Variants in LRRC4C observed in about 807,000 individuals in gnomAD.
The protein encoded by LRRC4C is leucine-rich repeat-containing protein 4C.
In LRRC4C, 5 loss-of-function variants were observed where a neutral mutation model predicts 33.6. The observed-to-expected ratio is 0.15, with a 90% CI of 0.08 to 0.31. LRRC4C has a LOEUF of 0.31. LRRC4C is among the 10% of genes least tolerant of loss of function. The probability of loss-of-function intolerance (pLI) is 1.00; values close to 1 mark genes in which losing one functional copy is unlikely to be tolerated. For missense variants in LRRC4C, 560 were observed against 796.7 expected, an observed-to-expected ratio of 0.70 and a Z score of 3.58; for synonymous variants, 329 against 302.0, an observed-to-expected ratio of 1.09 and a Z score of -0.93.
At chr11:40,721,043 G>A (rs1458210087) in intron 2 of LRRC4C, among the ~76,000 whole-genome samples, 2 of 152,146 alleles carry the variant, frequency 1.3e-5, no homozygotes, top group Non-Finnish European at 2.9e-5. Flanking sequence ...TATTAGTAAA[G>A]AAGACACAGA....
At chr11:40,619,731 C>A (rs1490002233) in intron 3 of LRRC4C, among the ~76,000 whole-genome samples, 1 of 151,530 alleles carries the variant, frequency 6.6e-6, no homozygotes, top group Non-Finnish European at 1.5e-5. Context: ...TTTCTCCCTC[C>A]AGGCTGCTAA....
chr11:41,210,556 A>G (rs193292422), intron 1 of LRRC4C, among the ~76,000 whole-genome samples: 4 of 152,286 alleles, frequency 2.6e-5, no homozygotes, highest in African/African-American at 9.6e-5. Context: ...AACAGCATGA[A>G]AATGGACTAA....
chr11:40,966,152 G>A (rs1185892422), intron 1 of LRRC4C, among the ~76,000 whole-genome samples: 1 of 151,982 alleles, frequency 6.6e-6, no homozygotes, highest in Non-Finnish European at 1.5e-5. Flanking sequence ...ATGATCAAGA[G>A]TAGACGTAAT....
At chr11:40,402,693 A>G (rs1949805658) in intron 3 of LRRC4C, among the ~76,000 whole-genome samples, 1 of 152,148 alleles carries the variant, frequency 6.6e-6, no homozygotes, top group African/African-American at 2.4e-5. Context: ...CAGAGAGCTA[A>G]TGTACATTGA....
At chr11:40,166,217 CA>C (rs1204933229) in intron 5 of LRRC4C, among the ~76,000 whole-genome samples, 1 of 152,128 alleles carries the variant, frequency 6.6e-6, no homozygotes, top group Non-Finnish European at 1.5e-5. Context: ...AGAAGTGTCC[CA>C]ATCCCCATTC....
At chr11:40,953,672 C>T (rs553000489) in intron 1 of LRRC4C, among the ~76,000 whole-genome samples, 1 of 151,636 alleles carries the variant, frequency 6.6e-6, no homozygotes, top group African/African-American at 2.4e-5. Context: ...ACCCATTGAC[C>T]TATAAGGACT....
At chr11:40,341,628 G>A (rs1317168526) in intron 3 of LRRC4C, among the ~76,000 whole-genome samples, 1 of 152,114 alleles carries the variant, frequency 6.6e-6, no homozygotes, top group Non-Finnish European at 1.5e-5. Context: ...CATGGCACAT[G>A]TATACATATG....
intron 1 of LRRC4C, among the ~76,000 whole-genome samples, chr11:41,386,775 T>G (rs749643919): frequency 1.3e-5 from 2 of 151,706 alleles, no homozygotes; most frequent in East Asian, 3.9e-4. Flanking sequence ...AAATACTTAC[T>G]GTATAGAATA....
At chr11:40,967,143 A>C (rs1328963430) in intron 1 of LRRC4C, among the ~76,000 whole-genome samples, 1 of 151,900 alleles carries the variant, frequency 6.6e-6, no homozygotes, top group African/African-American at 2.4e-5. Flanking sequence ...AATTATTTTT[A>C]AAAAGAGAAA....
At chr11:41,147,953 G>A (rs369496263) in intron 1 of LRRC4C, among the ~76,000 whole-genome samples, 6 of 152,132 alleles carry the variant, frequency 3.9e-5, no homozygotes, top group Non-Finnish European at 5.9e-5. Flanking sequence ...TTAGCTGGGC[G>A]TGGTGGCACA....
chr11:41,393,060 A>G (rs1953667505), intron 1 of LRRC4C, among the ~76,000 whole-genome samples: 1 of 151,910 alleles, frequency 6.6e-6, no homozygotes. Flanking sequence ...TAGGGGAGAT[A>G]TAATGATTGT....
At chr11:41,097,450 A>G (rs928477245) in intron 1 of LRRC4C, among the ~76,000 whole-genome samples, 4 of 152,124 alleles carry the variant, frequency 2.6e-5, no homozygotes, top group African/African-American at 9.7e-5. Flanking sequence ...ACATTTGAAC[A>G]CCACCCTAGT....
intron 1 of LRRC4C, among the ~76,000 whole-genome samples, chr11:41,184,289 A>G (rs1359676752): frequency 6.6e-6 from 1 of 151,838 alleles, no homozygotes. Context: ...TCAGGGTGCA[A>G]ATTTTTCAAA....
At chr11:41,438,698 G>A (rs958169897) in intron 1 of LRRC4C, among the ~76,000 whole-genome samples, 11 of 152,098 alleles carry the variant, frequency 7.2e-5, no homozygotes, top group African/African-American at 2.2e-4. Flanking sequence ...TTGGCTCCAC[G>A]TCAGCTTTTC....
chr11:40,801,125 A>G (rs1159650280), intron 2 of LRRC4C, among the ~76,000 whole-genome samples: 1 of 152,184 alleles, frequency 6.6e-6, no homozygotes, highest in Non-Finnish European at 1.5e-5. Context: ...CTCTCGCATA[A>G]AGAAAAACAA....
intron 2 of LRRC4C, among the ~76,000 whole-genome samples, chr11:40,726,957 C>A (rs1349174147): frequency 6.6e-6 from 1 of 152,038 alleles, no homozygotes; most frequent in African/African-American, 2.4e-5. Flanking sequence ...TTCTGTACAT[C>A]AATAATTTTG....
intron 1 of LRRC4C, among the ~76,000 whole-genome samples, chr11:40,956,074 T>C (rs1471744959): frequency 1.3e-5 from 2 of 151,806 alleles, no homozygotes; most frequent in Non-Finnish European, 2.9e-5. Flanking sequence ...AGGGCCATAT[T>C]GTAGATGAGA....
At chr11:40,437,684 G>A (rs767220353) in intron 3 of LRRC4C, among the ~76,000 whole-genome samples, 12 of 151,582 alleles carry the variant, frequency 7.9e-5, no homozygotes, top group East Asian at 3.9e-4. Flanking sequence ...GTGAGCCACC[G>A]TTCCCGGCTG....
chr11:41,211,071 C>T lies in LRRC4C; in HGVS notation c.-496+248360G>A, dbSNP rs1872791. On this transcript the variant is annotated intron_variant, in intron 1 of 6. Coordinates refer to ENST00000528697, the MANE Select transcript of LRRC4C (RefSeq NM_001258419.2). Reference sequence around the variant, plus strand: ...TGCCTGTCACACACCTCCTGCTGTGCGGCCTAGTTCCTAACAGGCCATGAA... The same window carrying T: ...TGCCTGTCACACACCTCCTGCTGTGTGGCCTAGTTCCTAACAGGCCATGAA... Among the ~76,000 whole-genome samples, 1,005 of 152,286 alleles carry T rather than the reference C, an allele frequency of 6.6e-3. 13 individuals are homozygous for T. Among genetic ancestry groups the T allele is most frequent in the African/African-American group, 0.022 (928 of 41,570 alleles).
Sources: gnomAD v4.1 joint callset for allele counts (sites outside exome capture counted in the v4.1 genomes callset) on GRCh38, gnomAD v4.1.1 for gene constraint, MANE v1.5 for transcripts, NCBI Gene and HGNC (gene_info 2026-07-23, HGNC 2026-07-21) for gene names.